The following DYNC1I2 variants were observed in gnomAD, a reference collection of about 807,000 sequenced individuals.
DYNC1I2 encodes cytoplasmic dynein 1 intermediate chain 2.
A neutral mutation model predicts 88.6 loss-of-function variants in DYNC1I2; 53 were observed. The ratio of observed to expected loss-of-function variants is 0.60; its 90% CI spans 0.48 to 0.75. DYNC1I2 has a LOEUF of 0.75. Among genes scored for constraint, DYNC1I2 ranks in the 30% least tolerant of loss-of-function variants. The pLI is 0.00. For synonymous variants in DYNC1I2, 198 were observed against 254.6 expected, an observed-to-expected ratio of 0.78 and a Z score of 2.12; for missense variants, 458 against 766.6, an observed-to-expected ratio of 0.60 and a Z score of 4.75.
chr2:171,722,523 C>T (rs1423300816), intron 7 of DYNC1I2, among the ~76,000 whole-genome samples: 1 of 152,074 alleles, frequency 6.6e-6, no homozygotes, highest in African/African-American at 2.4e-5. Flanking sequence ...ACAGTCTTTT[C>T]CAGTTTTAAA....
chr2:171,729,574 C>A, intron 14 of DYNC1I2, 135 bp from the exon 15 acceptor site: 1 of 881,974 alleles, frequency 1.1e-6, no homozygotes, highest in Non-Finnish European at 1.7e-6. Context: ...AAAGTTAATT[C>A]TGATAAGTTA....
chr2:171,739,702 T>C (rs1342623575), intron 15 of DYNC1I2, among the ~76,000 whole-genome samples: 23 of 123,524 alleles, frequency 1.9e-4, no homozygotes, highest in African/African-American at 5.6e-4. Context: ...ATCTCTTTTT[T>C]TTTTTTTTTT....
chr2:171,690,149 C>G lies in DYNC1I2; in HGVS notation c.-7C>G, dbSNP rs1312141131. ...CATAATGATTATATGTTTCTAAGGT[C>G]ACAAACATGTCAGACAAAAGTGAAT... On this transcript the variant is annotated splice_region_variant and 5_prime_UTR_variant, in exon 2 of 18. Coordinates refer to ENST00000397119, the MANE Select transcript of DYNC1I2 (RefSeq NM_001378.3). 2 of 1,536,082 alleles carry G rather than the reference C, an allele frequency of 1.3e-6. No homozygotes were observed. The highest frequency in any genetic ancestry group is 1.8e-6 in the Non-Finnish European group (2 of 1,137,762).
intron 7 of DYNC1I2, among the ~76,000 whole-genome samples, chr2:171,718,676 G>C (rs35854280): frequency 6.6e-6 from 1 of 151,730 alleles, no homozygotes; most frequent in Non-Finnish European, 1.5e-5. Flanking sequence ...CTCGTTATCC[G>C]CCCGCCTGTG....
At chr2:171,702,586 A>G (rs746670988) in intron 3 of DYNC1I2, among the ~76,000 whole-genome samples, 6 of 152,126 alleles carry the variant, frequency 3.9e-5, no homozygotes, top group Non-Finnish European at 7.4e-5. Flanking sequence ...TTTAAAGCAT[A>G]GAAGTATAAA....
At chr2:171,746,378 C>CA (rs1689781814) in intron 17 of DYNC1I2, among the ~76,000 whole-genome samples, 1 of 152,210 alleles carries the variant, frequency 6.6e-6, no homozygotes, top group African/African-American at 2.4e-5. Flanking sequence ...AGCCTTGATG[C>CA]AAAGCCACAG....
intron 3 of DYNC1I2, among the ~76,000 whole-genome samples, chr2:171,700,757 A>T (rs951054568): frequency 4.6e-5 from 7 of 152,014 alleles, no homozygotes; most frequent in African/African-American, 1.7e-4. Context: ...TCAGCATCCA[A>T]AGTAGCTGGG....
intron 3 of DYNC1I2, among the ~76,000 whole-genome samples, chr2:171,701,012 A>C (rs1686214212): frequency 6.6e-6 from 1 of 152,194 alleles, no homozygotes; most frequent in Non-Finnish European, 1.5e-5. Context: ...AAAATAAAAA[A>C]TATGTCTTGA....
At chr2:171,739,908 G>A (rs34632749) in intron 15 of DYNC1I2, among the ~76,000 whole-genome samples, 37,699 of 151,696 alleles carry the variant, frequency 0.25, 5,690 homozygotes, top group Middle Eastern at 0.37. Flanking sequence ...GTTTCACCAT[G>A]TTGGCCAGGC....
chr2:171,739,696 CTTTTTTTTTTTTTTT>C (rs201750115), intron 15 of DYNC1I2, among the ~76,000 whole-genome samples: 3,792 of 65,622 alleles, frequency 0.058, 106 homozygotes, highest in Middle Eastern at 0.14. Flanking sequence ...TGACATATCT[CTTTTTTTTTTTTTTT>C]TTTTTTTTTT....
chr2:171,738,729 C>G (rs1304376193), intron 15 of DYNC1I2, among the ~76,000 whole-genome samples: 1 of 152,184 alleles, frequency 6.6e-6, no homozygotes, highest in African/African-American at 2.4e-5. Flanking sequence ...GGTTCTTAAT[C>G]ATTGGTGTGC....
At chr2:171,700,149 T>C (rs1456807152) in intron 3 of DYNC1I2, among the ~76,000 whole-genome samples, 1 of 152,138 alleles carries the variant, frequency 6.6e-6, no homozygotes, top group African/African-American at 2.4e-5. Flanking sequence ...TTCATGGTGG[T>C]TCGTTCACAT....
intron 3 of DYNC1I2, among the ~76,000 whole-genome samples, chr2:171,696,648 A>G (rs1054685384): frequency 6.6e-6 from 1 of 152,120 alleles, no homozygotes; most frequent in African/African-American, 2.4e-5. Context: ...TTTTCTCTAT[A>G]TAGGTAGCTA....
Position 171,705,804 on chromosome 2 carries a change from T to C in DYNC1I2, c.227-743T>C, listed in dbSNP as rs545638499. On this transcript the variant is annotated intron_variant, in intron 3 of 17. Transcript: ENST00000397119. ...AACTATAGGAAGCTATCTGGTCTTATAGTTGTTTCTGACACATTTAATCAC... is the reference window on the plus strand; with the variant it reads ...AACTATAGGAAGCTATCTGGTCTTACAGTTGTTTCTGACACATTTAATCAC... Among the ~76,000 whole-genome samples the C allele has an allele frequency of 3.3e-5, 5 of 152,228 alleles. 1 individual carries two copies. The highest frequency in any genetic ancestry group is 1.9e-4 in the East Asian group (1 of 5,190).
At chr2:171,743,925 A>T (rs1366042401) in intron 15 of DYNC1I2, 124 bp from the exon 16 acceptor site, 1 of 851,522 alleles carries the variant, frequency 1.2e-6, no homozygotes, top group South Asian at 3.7e-5. Context: ...TTCTAGGCTG[A>T]GTTAAATATC....
At chr2:171,720,591 A>G (rs766341737) in intron 7 of DYNC1I2, among the ~76,000 whole-genome samples, 48 of 152,136 alleles carry the variant, frequency 3.2e-4, no homozygotes, top group Non-Finnish European at 8.8e-5. Context: ...AAAATTAGCC[A>G]GGTGTGTTGT....
At position 171,692,886 on chromosome 2, in the gene DYNC1I2, C is replaced by A; in HGVS notation, c.218C>A (p.Ser73Tyr). ...LLQSMGLTPE[S>Y]PIVFSEYWVP... is the part of the protein sequence containing the mutation. ...CAAAGCATGGGGCTAACTCCAGAAT[C>A]CCCCATTGGTAAGGTTAAGAATATA... The change falls in exon 3 of 18, where the codon TCC (serine) becomes TAC (tyrosine). Residue 73 changes from serine to tyrosine, a missense_variant. Ser to Tyr is a moderately radical substitution (Grantham distance 144, BLOSUM62 -2). This residue lies in a region of DYNC1I2 where 55 missense variants were observed against 57.1 expected (regional missense o/e 0.96). Coordinates refer to ENST00000397119, the MANE Select transcript of DYNC1I2 (RefSeq NM_001378.3). 6.3e-7 allele frequency: 1 copy of A among 1,591,754 alleles called. No homozygotes were observed. The highest frequency in any genetic ancestry group is 1.1e-5 in the South Asian group (1 of 87,634).
At chr2:171,688,596 T>A (rs949336517) in intron 1 of DYNC1I2, 2 of 152,220 alleles carry the variant, frequency 1.3e-5, no homozygotes, top group African/African-American at 4.8e-5. Flanking sequence ...ACACGGTCTC[T>A]TGCTTTTAGT....
intron 13 of DYNC1I2, 98 bp downstream of exon 13, chr2:171,728,516 G>A: frequency 1.2e-6 from 1 of 827,094 alleles, no homozygotes; most frequent in South Asian, 2.0e-5. Context: ...TTTTATAGTA[G>A]TGTTACAACA....
Sources: allele counts gnomAD v4.1 joint callset (sites outside exome capture counted in the v4.1 genomes callset), GRCh38; gene constraint gnomAD v4.1.1; regional missense constraint gnomAD v4.1.1; transcripts MANE v1.5; gene names NCBI Gene and HGNC (gene_info 2026-07-23, HGNC 2026-07-21).